The following NUDT22 variants were observed in gnomAD, a reference collection of about 807,000 sequenced individuals.
NUDT22 encodes the protein nudix hydrolase 22.
NUDT22 carries 23 observed loss-of-function variants against 28.8 expected under a neutral mutation model. The ratio of observed to expected loss-of-function variants is 0.80; its 90% CI spans 0.58 to 1.13. The LOEUF is 1.13. Among genes scored for constraint, NUDT22 ranks in the 50% most tolerant of loss-of-function variants. The probability of loss-of-function intolerance (pLI) is 0.00; values close to 1 mark genes in which losing one functional copy is unlikely to be tolerated. For missense variants in NUDT22, 358 were observed against 387.3 expected (o/e 0.92, Z 0.64); for synonymous variants, 175 against 173.7 (o/e 1.01, Z -0.06).
chr11:64,227,409 C>G lies in NUDT22; in HGVS notation c.481-159C>G, dbSNP rs751755123. 6.8e-6 allele frequency: 5 copies of G among 736,574 alleles called. No individual in the cohort carries two copies. The East Asian group carries it at 1.1e-4, about 16-fold the overall frequency. 45.6% of individuals were successfully genotyped at this position (736,574 alleles called of 1,614,324 possible). A position where few individuals can be genotyped will look rare whatever the true frequency, so the allele number is the denominator to read the frequency against. On this transcript the variant is annotated intron_variant, in intron 2 of 5. Coordinates refer to ENST00000279206, the MANE Select transcript of NUDT22 (RefSeq NM_032344.4). ...GTGTATCTCCTTTGAAGCTGGACCT[C>G]TGGTTGTCTGTCAGGGAAAGGACAC...
chr11:64,226,924 TG>T lies in NUDT22; in HGVS notation c.275del (p.Gly92AlafsTer36). 1 of 1,602,340 alleles carries T rather than the reference TG, an allele frequency of 6.2e-7. No homozygotes were observed. On this transcript the variant is annotated frameshift_variant, in exon 2 of 6. Coordinates refer to ENST00000279206, the MANE Select transcript of NUDT22 (RefSeq NM_032344.4). LOFTEE classifies it high-confidence loss of function. ...RLGLTSYRDF[L>X]GTNWSSSAAW... ...GGCCTTACTTCCTACCGAGACTTCCTGGGCACCAACTGGTCCAGCTCAGCTG... is the reference window on the plus strand; with the variant it reads ...GGCCTTACTTCCTACCGAGACTTCCTGGCACCAACTGGTCCAGCTCAGCTG...
chr11:64,227,545 G>C (rs762031395), intron 2 of NUDT22, 23 bp from the exon 3 acceptor site: 1 of 1,591,174 alleles, frequency 6.3e-7, no homozygotes, highest in South Asian at 1.1e-5. Context: ...TGGGGAGCAG[G>C]GGCTGAGCCT....
In NUDT22 at chr11:64,226,872, CG is replaced by C. The variant is rs755949538; in HGVS notation, c.225del (p.Pro76HisfsTer52). Reference sequence around the variant, plus strand: ...AGCCACCCTGGCGCCTATTGGCTCTCGGGGGCCACAGCTGCTCCTGCGCCTG... The same window carrying C: ...AGCCACCCTGGCGCCTATTGGCTCTCGGGGCCACAGCTGCTCCTGCGCCTG... ...HSATLAPIGS[R>X]GPQLLLRLGL... On this transcript the variant is annotated frameshift_variant, in exon 2 of 6. Coordinates refer to ENST00000279206, the MANE Select transcript of NUDT22 (RefSeq NM_032344.4). LOFTEE classifies it high-confidence loss of function. 8.7e-6 allele frequency: 14 copies of C among 1,605,600 alleles called. No homozygotes were observed. In the Admixed American group the frequency reaches 1.3e-4, roughly 15 times the overall value.
Position 64,226,852 on chromosome 11 carries a change from C to T in NUDT22, c.200C>T (p.Thr67Ile). 1 of 1,608,006 alleles carries T rather than the reference C, an allele frequency of 6.2e-7. No homozygotes were observed. Among genetic ancestry groups the T allele is most frequent in the Non-Finnish European group, 8.5e-7 (1 of 1,179,928 alleles). The change falls in exon 2 of 6, where the codon ACC becomes ATC. Residue 67 changes from threonine (T) to isoleucine (I), a missense_variant. Thr to Ile is a moderately conservative substitution (Grantham distance 89). Coordinates refer to ENST00000279206, the MANE Select transcript of NUDT22 (RefSeq NM_032344.4). ...CCCAAGTTCCGCCTGCACTCAGCCA[C>T]CCTGGCGCCTATTGGCTCTCGGGGG... Reference protein sequence around the residue: ...DAPKFRLHSATLAPIGSRGPQ... With the variant: ...DAPKFRLHSAILAPIGSRGPQ...
At chr11:64,228,367 T>G (rs539784359) in intron 3 of NUDT22, among the ~76,000 whole-genome samples, 16 of 151,736 alleles carry the variant, frequency 1.1e-4, no homozygotes, top group African/African-American at 3.9e-4. Context: ...CCAAGTCTGT[T>G]GAAAAAGGAG....
chr11:64,228,968 T>C (rs1019799369), intron 3 of NUDT22: 3 of 386,250 alleles, frequency 7.8e-6, no homozygotes, highest in Non-Finnish European at 1.4e-5. Flanking sequence ...CGAGACTCCA[T>C]CTCAAAAAAA....
rs776873358 is a variant in NUDT22 at position 64,226,712 on chromosome 11, G to A, written c.60G>A (p.Gln20=). The A allele has an allele frequency of 1.2e-6, 2 of 1,610,540 alleles. No individual in the cohort carries two copies. Among genetic ancestry groups the A allele is most frequent in the African/African-American group, 1.3e-5 (1 of 75,050 alleles). The change falls in exon 2 of 6, where the codon CAG becomes CAA. Residue 20 remains glutamine, a synonymous_variant. Transcript: ENST00000279206. The part of the protein sequence containing the change: ...QCPGGGLPQE[Q]IQAELSPAHD... ...CTGGCGGGGGCCTGCCCCAGGAGCA[G>A]ATACAGGCCGAGCTGAGCCCCGCCC...
rs1403597533 is a variant in NUDT22 at position 64,226,715 on chromosome 11, A to G, written c.63A>G (p.Ile21Met). ...GCGGGGGCCTGCCCCAGGAGCAGAT[A>G]CAGGCCGAGCTGAGCCCCGCCCATG... ...CPGGGLPQEQIQAELSPAHDR... is the reference protein window; with the variant it reads ...CPGGGLPQEQMQAELSPAHDR... The change falls in exon 2 of 6, where the codon ATA (isoleucine) becomes ATG (methionine). Residue 21 changes from isoleucine to methionine, a missense_variant. Coordinates refer to ENST00000279206, the MANE Select transcript of NUDT22 (RefSeq NM_032344.4). 3 of 1,610,650 alleles carry G rather than the reference A, an allele frequency of 1.9e-6. No individual in the cohort carries two copies. Among genetic ancestry groups the G allele is most frequent in the Middle Eastern group, 1.7e-4 (1 of 6,054 alleles).
chr11:64,229,855 G>C lies in NUDT22; in HGVS notation c.777G>C (p.Val259=), dbSNP rs1413177553. 4.3e-6 allele frequency: 7 copies of C among 1,613,368 alleles called. No homozygotes were observed. The highest frequency in any genetic ancestry group is 4.2e-6 in the Non-Finnish European group (5 of 1,179,978). The change falls in exon 6 of 6, where the codon GTG becomes GTC. Residue 259 remains valine, a synonymous_variant. Transcript: ENST00000279206. ...TGIFFVETQN[V]QRLLETEMWA... ...GTCTCGTTGTCTCCCCACAGAACGT[G>C]CAGAGATTGCTCGAGACGGAGATGT...
chr11:64,227,613 C>T lies in NUDT22; in HGVS notation c.526C>T (p.Gln176Ter), dbSNP rs1373661627. ...CCCCCAGCACCAGGACCTCGCTGGG[C>T]AGCTGGTGGTACATGAACTCTTTTC... ...GSPQHQDLAGQLVVHELFSSV... is the reference protein window; with the variant it reads ...GSPQHQDLAG Residue 176 changes from glutamine to a stop codon, truncating the protein, a stop_gained, in exon 3 of 6, where the codon CAG becomes TAG. Transcript: ENST00000279206. LOFTEE classifies it high-confidence loss of function. The T allele has an allele frequency of 1.2e-6, 2 of 1,614,064 alleles. No individual in the cohort carries two copies. The highest frequency in any genetic ancestry group is 3.3e-5 in the Admixed American group (2 of 60,028).
At chr11:64,228,613 G>A (rs112372976) in intron 3 of NUDT22, 18,054 of 151,330 alleles carry the variant, frequency 0.12, 2,810 homozygotes, top group African/African-American at 0.36. Flanking sequence ...GCAGTGAGCC[G>A]AAATCGCGCC....
downstream of NUDT22, chr11:64,230,242 G>A: frequency 1.5e-6 from 1 of 650,746 alleles, no homozygotes; most frequent in Non-Finnish European, 2.8e-6. Context: ...GGGAGCAACA[G>A]CGGAACGGAG....
Position 64,227,636 on chromosome 11 carries a change from T to C in NUDT22, c.549T>C (p.Phe183=), listed in dbSNP as rs1947076550. Residue 183 remains phenylalanine (F), a synonymous_variant, in exon 3 of 6, where the codon TTT becomes TTC. Transcript: ENST00000279206. Reference sequence around the variant, plus strand: ...GGCAGCTGGTGGTACATGAACTCTTTTCCAGTGTCCTTCAGGAGATCTGTG... The same window carrying C: ...GGCAGCTGGTGGTACATGAACTCTTCTCCAGTGTCCTTCAGGAGATCTGTG... ...LAGQLVVHEL[F]SSVLQEICDE... 1.2e-6 allele frequency: 2 copies of C among 1,613,972 alleles called. No homozygotes were observed. The highest frequency in any genetic ancestry group is 1.3e-5 in the African/African-American group (1 of 74,922).
In NUDT22 at chr11:64,227,456, T is replaced by C. The variant is rs749705390; in HGVS notation, c.481-112T>C. ...ACACCAGACTCAGGATCACTAACTC[T>C]CTTACACTGTGCCACATCAGACCCT... On this transcript the variant is annotated intron_variant, in intron 2 of 5. Transcript: ENST00000279206. 2.0e-5 allele frequency: 17 copies of C among 841,902 alleles called. No individual in the cohort carries two copies. The South Asian group carries it at 2.3e-4, about 11-fold the overall frequency. The allele number at this position is 841,902 out of a possible 1,614,324, so 52.2% of individuals were successfully genotyped here. A position where few individuals can be genotyped will look rare whatever the true frequency, so the allele number is the denominator to read the frequency against.
chr11:64,226,803 G>T lies in NUDT22; in HGVS notation c.151G>T (p.Ala51Ser). ...TGCCATCTGGGAGACCCGGCTAAAG[G>T]CCCAACCCTGGCTCTTCGACGCCCC... ...ITAIWETRLK[A>S]QPWLFDAPKF... The change falls in exon 2 of 6, where the codon GCC becomes TCC. Residue 51 changes from alanine (A) to serine (S), a missense_variant. Transcript: ENST00000279206. The T allele has an allele frequency of 6.2e-7, 1 of 1,610,262 alleles. No homozygotes were observed.
chr11:64,228,177 TTCTTC>T (rs1172868492), intron 3 of NUDT22, among the ~76,000 whole-genome samples: 4 of 133,908 alleles, frequency 3.0e-5, no homozygotes, highest in Non-Finnish European at 6.9e-5. Context: ...GGCCGGATTC[TTCTTC>T]TTTTTTTTTT....
chr11:64,226,560 A>G (rs1000774539), intron 1 of NUDT22, 75 bp from the exon 2 acceptor site: 2 of 1,500,280 alleles, frequency 1.3e-6, no homozygotes, highest in East Asian at 2.3e-5. Flanking sequence ...GGTCTGCGAC[A>G]GAGGGGGCTA....
intron 2 of NUDT22, 125 bp from the exon 3 acceptor site, chr11:64,227,443 G>A (rs1322762692): frequency 2.5e-6 from 2 of 801,926 alleles, no homozygotes; most frequent in Admixed American, 1.8e-5. Flanking sequence ...ACCAGACTCA[G>A]GATCACTAAC....
intron 2 of NUDT22, 56 bp from the exon 3 acceptor site, chr11:64,227,512 T>G: frequency 7.3e-7 from 1 of 1,370,604 alleles, no homozygotes; most frequent in Non-Finnish European, 1.0e-6. Flanking sequence ...TTGCTGGTCC[T>G]GAGATGGGGC....
Sources: allele counts gnomAD v4.1 joint callset (sites outside exome capture counted in the v4.1 genomes callset), GRCh38; gene constraint gnomAD v4.1.1; transcripts MANE v1.5; gene names NCBI Gene and HGNC (gene_info 2026-07-23, HGNC 2026-07-21).